Variants in DOP1B observed in about 807,000 individuals in gnomAD.
The protein encoded by DOP1B is DOP1 leucine zipper like protein B, also known as protein DOP1B.
A neutral mutation model predicts 233.5 loss-of-function variants in DOP1B; 174 were observed. That is an observed-to-expected ratio of 0.75 (90% CI 0.66 to 0.85). The LOEUF (loss-of-function observed/expected upper bound fraction) is 0.85. DOP1B is among the 40% of genes least tolerant of loss of function. The pLI, the probability that DOP1B is intolerant of heterozygous loss-of-function variation, is 0.00. For missense variants in DOP1B, 2,652 were observed against 2,846.6 expected (o/e 0.93, Z 1.56); for synonymous variants, 1,190 against 1,185.6 (o/e 1.00, Z -0.08).
chr21:36,253,901 G>A lies in DOP1B; in HGVS notation c.5251G>A (p.Gly1751Ser). ...VVKRPPQVKG[G>S]DEKSPLVDIP... is the part of the protein sequence containing the mutation. ...GAAGAGGCCACCCCAAGTCAAAGGGGGTGATGAGGTGAGGAGCCTGGGGAA... is the reference window on the plus strand; with the variant it reads ...GAAGAGGCCACCCCAAGTCAAAGGGAGTGATGAGGTGAGGAGCCTGGGGAA... The change falls in exon 23 of 37, where the codon GGT becomes AGT. Residue 1751 changes from glycine (G) to serine (S), a missense_variant. By Grantham distance (56) the Gly-to-Ser change is moderately conservative (BLOSUM62 0). Around this residue, in one of 3 missense-constraint regions of DOP1B, gnomAD observed 2,617 missense variants for 2,794.3 expected, o/e 0.94. Transcript: ENST00000691173. 6.2e-7 allele frequency: 1 copy of A among 1,613,704 alleles called. No individual in the cohort carries two copies. Among genetic ancestry groups the A allele is most frequent in the Non-Finnish European group, 8.5e-7 (1 of 1,179,906 alleles).
At chr21:36,256,785 CCTCA>C (rs1346557398) in intron 23 of DOP1B, among the ~76,000 whole-genome samples, 1 of 152,052 alleles carries the variant, frequency 6.6e-6, no homozygotes, top group Non-Finnish European at 1.5e-5. Flanking sequence ...ACAACTGTGT[CCTCA>C]CTCAACAACA....
At chr21:36,229,945 G>C (rs930372472) in intron 13 of DOP1B, among the ~76,000 whole-genome samples, 1 of 152,112 alleles carries the variant, frequency 6.6e-6, no homozygotes, top group East Asian at 1.9e-4. Flanking sequence ...TTACAGGCAT[G>C]AGCCACCACA....
chr21:36,219,396 T>C lies in DOP1B; in HGVS notation c.1154T>C (p.Phe385Ser). Residue 385 changes from phenylalanine to serine, a missense_variant, in exon 10 of 37, where the codon TTT becomes TCT. This residue lies in a region of DOP1B where 2,617 missense variants were observed against 2,794.3 expected (regional missense o/e 0.94). Coordinates refer to ENST00000691173, the MANE Select transcript of DOP1B (RefSeq NM_001320714.2). Reference protein sequence around the residue: ...EIGPQVVGNLFLEVIRAFYSY... With the variant: ...EIGPQVVGNLSLEVIRAFYSY... ...GGGCCTCAAGTGGTTGGGAATTTGTTTCTCGAAGTCATCAGGGCCTTTTAT... is the reference window on the plus strand; with the variant it reads ...GGGCCTCAAGTGGTTGGGAATTTGTCTCTCGAAGTCATCAGGGCCTTTTAT... 1 of 1,614,200 alleles carries C rather than the reference T, an allele frequency of 6.2e-7. No individual in the cohort carries two copies. The highest frequency in any genetic ancestry group is 8.5e-7 in the Non-Finnish European group (1 of 1,180,034).
At chr21:36,183,422 CAT>C in intron 2 of DOP1B, among the ~76,000 whole-genome samples, 1 of 152,266 alleles carries the variant, frequency 6.6e-6, no homozygotes, top group East Asian at 1.9e-4. Flanking sequence ...TACAGCCACA[CAT>C]GTCCTAGCTG....
rs767579618 is a variant in DOP1B at position 36,260,662 on chromosome 21, T to C, written c.5260-15T>C. The C allele has an allele frequency of 2.5e-6, 4 of 1,613,598 alleles. No homozygotes were observed. Among genetic ancestry groups the C allele is most frequent in the Non-Finnish European group, 3.4e-6 (4 of 1,179,924 alleles). On this transcript the variant is annotated splice_polypyrimidine_tract_variant and intron_variant, in intron 23 of 36. Coordinates refer to ENST00000691173, the MANE Select transcript of DOP1B (RefSeq NM_001320714.2). ...CCCACCAACTCGGAGTAATTGGTTT[T>C]ACTTTCATTTTCAGAAATCGCCCCT...
chr21:36,248,260 T>G, intron 20 of DOP1B, 120 bp from the exon 21 acceptor site: 52 of 927,862 alleles, frequency 5.6e-5, no homozygotes, highest in South Asian at 8.7e-5. Flanking sequence ...ACCACATGTA[T>G]GAGTTGCTTA....
chr21:36,208,685 C>T (rs1382341478), intron 4 of DOP1B, 30 bp from the exon 5 acceptor site: 1 of 1,602,836 alleles, frequency 6.2e-7, no homozygotes, highest in East Asian at 2.3e-5. Flanking sequence ...ATGGGGCGAG[C>T]CCTTGAACCC....
chr21:36,248,366 AT>A lies in DOP1B; in HGVS notation c.4810-10del, dbSNP rs2066992944. 2 of 1,612,042 alleles carry A rather than the reference AT, an allele frequency of 1.2e-6. No homozygotes were observed. The highest frequency in any genetic ancestry group is 1.7e-6 in the Non-Finnish European group (2 of 1,179,140). On this transcript the variant is annotated splice_polypyrimidine_tract_variant and intron_variant, in intron 20 of 36. Transcript: ENST00000691173. ...CAGACACAGCCTGCCTCATGTATTC[AT>A]TTTAATTTTTAGACCATGGCTGCAG... is the stretch of plus-strand genomic sequence containing the variant.
rs937594309 is a variant in DOP1B at position 36,280,870 on chromosome 21, C to T, written c.6031+524C>T. 8.5e-5 allele frequency among the ~76,000 whole-genome samples: 13 copies of T among 152,070 alleles called. No homozygotes were observed. In the South Asian group the frequency reaches 2.7e-3, roughly 32 times the overall value. The stretch of plus-strand genomic sequence containing the variant: ...TACAAAAAATAGCCAGGCATAGTGG[C>T]GGGCGCCTGTAGTCCCAGCTACTCG... On this transcript the variant is annotated intron_variant, in intron 31 of 36. Coordinates refer to ENST00000691173, the MANE Select transcript of DOP1B (RefSeq NM_001320714.2).
chr21:36,263,855 AGCAGT>A, intron 26 of DOP1B, 41 bp downstream of exon 26: 1 of 1,579,702 alleles, frequency 6.3e-7, no homozygotes, highest in African/African-American at 1.3e-5. Context: ...ATATTACCCC[AGCAGT>A]GCTGTCCTCC....
intron 32 of DOP1B, among the ~76,000 whole-genome samples, chr21:36,287,787 A>G (rs1374754313): frequency 6.6e-6 from 1 of 151,628 alleles, no homozygotes; most frequent in Non-Finnish European, 1.5e-5. Context: ...GGGTTTTACC[A>G]TATTGGCCAG....
chr21:36,214,407 C>T (rs370656979), intron 8 of DOP1B, 35 bp from the exon 9 acceptor site: 21 of 1,579,368 alleles, frequency 1.3e-5, no homozygotes, highest in African/African-American at 6.8e-5. Context: ...TTATGATATA[C>T]GATATTCTAA....
At chr21:36,157,442 G>A (rs2065829917) in intron 1 of DOP1B, among the ~76,000 whole-genome samples, 1 of 152,192 alleles carries the variant, frequency 6.6e-6, no homozygotes, top group Non-Finnish European at 1.5e-5. Flanking sequence ...CCAGTCCCCA[G>A]GAGAAGGGAT....
At chr21:36,235,268 C>T (rs752547020) in intron 15 of DOP1B, among the ~76,000 whole-genome samples, 1 of 152,070 alleles carries the variant, frequency 6.6e-6, no homozygotes, top group Non-Finnish European at 1.5e-5. Context: ...TTTAATCCTG[C>T]GGGAACAGCT....
chr21:36,286,639 AAC>A (rs3029064), intron 32 of DOP1B, among the ~76,000 whole-genome samples: 47,532 of 146,184 alleles, frequency 0.33, 8,194 homozygotes, highest in East Asian at 0.54. Flanking sequence ...CCATCTCAAA[AAC>A]ACACACACAC....
chr21:36,229,182 T>C (rs1479997124), intron 13 of DOP1B, among the ~76,000 whole-genome samples: 1 of 152,164 alleles, frequency 6.6e-6, no homozygotes, highest in Non-Finnish European at 1.5e-5. Context: ...GGTACTGGAT[T>C]AGTTTGCTGG....
At chr21:36,223,383 A>G (rs771935103) in intron 11 of DOP1B, 33 bp downstream of exon 11, 1 of 1,595,644 alleles carries the variant, frequency 6.3e-7, no homozygotes, top group Non-Finnish European at 8.5e-7. Context: ...CAGAATATTT[A>G]GGAAGGATGA....
Position 36,263,735 on chromosome 21 carries a change from T to G in DOP1B, c.5421-13T>G. Reference sequence around the variant, plus strand: ...GCAGCATTTTTAATCTGAAGCTGATTGTCTCCCAACAGCATGCTGAATGAC... The same window carrying G: ...GCAGCATTTTTAATCTGAAGCTGATGGTCTCCCAACAGCATGCTGAATGAC... On this transcript the variant is annotated splice_polypyrimidine_tract_variant and intron_variant, in intron 25 of 36. Transcript: ENST00000691173. The G allele has an allele frequency of 1.2e-6, 2 of 1,614,150 alleles. No individual in the cohort carries two copies. The highest frequency in any genetic ancestry group is 1.7e-6 in the Non-Finnish European group (2 of 1,179,980).
In DOP1B at chr21:36,199,217, A is replaced by G; in HGVS notation, c.286A>G (p.Thr96Ala). 5 of 1,614,046 alleles carry G rather than the reference A, an allele frequency of 3.1e-6. No individual in the cohort carries two copies. The highest frequency in any genetic ancestry group is 4.2e-6 in the Non-Finnish European group (5 of 1,179,998). ...TYEIIFKIVG[T>A]KWLAKDLFLY... Reference sequence around the variant, plus strand: ...CGAGATTATCTTTAAAATCGTGGGGACCAAATGGCTGGCCAAGGACTTGTT... The same window carrying G: ...CGAGATTATCTTTAAAATCGTGGGGGCCAAATGGCTGGCCAAGGACTTGTT... The change falls in exon 3 of 37, where the codon ACC (threonine) becomes GCC (alanine). Residue 96 changes from threonine to alanine, a missense_variant. This residue lies in a region of DOP1B where 2,617 missense variants were observed against 2,794.3 expected (regional missense o/e 0.94). Coordinates refer to ENST00000691173, the MANE Select transcript of DOP1B (RefSeq NM_001320714.2).
Sources: allele counts gnomAD v4.1 joint callset (sites outside exome capture counted in the v4.1 genomes callset), GRCh38; gene constraint gnomAD v4.1.1; regional missense constraint gnomAD v4.1.1; transcripts MANE v1.5; gene names NCBI Gene and HGNC (gene_info 2026-07-23, HGNC 2026-07-21).